The following COL9A3 variants were observed in gnomAD, a reference collection of about 807,000 sequenced individuals.
COL9A3 encodes the protein collagen alpha-3(IX) chain.
A neutral mutation model predicts 110.2 loss-of-function variants in COL9A3; 82 were observed. That is an observed-to-expected ratio of 0.74 (90% CI 0.62 to 0.89). The LOEUF (loss-of-function observed/expected upper bound fraction) is 0.89. Ranked by LOEUF, COL9A3 falls within the 40% of genes least tolerant of loss-of-function variation. The pLI, the probability that COL9A3 is intolerant of heterozygous loss-of-function variation, is 0.00. For synonymous variants in COL9A3, 494 were observed against 403.8 expected, an observed-to-expected ratio of 1.22 and a Z score of -2.68; for missense variants, 1,066 against 981.3, an observed-to-expected ratio of 1.09 and a Z score of -1.15.
At chr20:62,831,364 T>A (rs941487024) in intron 24 of COL9A3, 2 of 152,422 alleles carry the variant, frequency 1.3e-5, no homozygotes, top group African/African-American at 2.4e-5. Context: ...CTCGTGTGCC[T>A]GCTGTGGCCA....
intron 22 of COL9A3, 23 bp from the exon 23 acceptor site, chr20:62,830,337 C>G: frequency 6.4e-7 from 1 of 1,563,600 alleles, no homozygotes; most frequent in East Asian, 2.4e-5. Context: ...GACATCCGCT[C>G]ACACCTCACC....
intron 19 of COL9A3, 104 bp downstream of exon 19, chr20:62,829,080 G>T (rs1195583519): frequency 7.8e-7 from 1 of 1,276,952 alleles, no homozygotes; most frequent in Non-Finnish European, 1.1e-6. Context: ...CCGACTCCCT[G>T]TGAGGGGTTC....
At chr20:62,835,840 G>C in intron 26 of COL9A3, 81 bp from the exon 27 acceptor site, 1 of 1,441,462 alleles carries the variant, frequency 6.9e-7, no homozygotes, top group South Asian at 1.1e-5. Flanking sequence ...TGGATGATTT[G>C]ATTTATTTTA....
intron 26 of COL9A3, among the ~76,000 whole-genome samples, chr20:62,835,575 G>C (rs778953879): frequency 2.6e-4 from 40 of 152,218 alleles, no homozygotes; most frequent in Admixed American, 4.6e-4. Context: ...TGAGGACCCA[G>C]CTGGAGGGGG....
At position 62,829,746 on chromosome 20, in the gene COL9A3, C is replaced by T. The variant is rs747894076; in HGVS notation, c.1108-20C>T. The T allele has an allele frequency of 1.3e-6, 2 of 1,592,870 alleles. No individual in the cohort carries two copies. The highest frequency in any genetic ancestry group is 2.7e-5 in the African/African-American group (2 of 74,796). On this transcript the variant is annotated intron_variant, in intron 21 of 31. Coordinates refer to ENST00000649368, the MANE Select transcript of COL9A3 (RefSeq NM_001853.4). ...CTGTGTGCAGACCCTGCCCTGACAC[C>T]CTCCTTCCTTTCCCTGTAGGGAGAT...
chr20:62,833,721 G>A (rs1351959182), intron 26 of COL9A3, among the ~76,000 whole-genome samples: 1 of 143,770 alleles, frequency 7.0e-6, no homozygotes, highest in Non-Finnish European at 1.5e-5. Context: ...TTTTTGAGAC[G>A]AAGTTTTGCT....
intron 12 of COL9A3, among the ~76,000 whole-genome samples, chr20:62,825,284 G>C (rs2063543614): frequency 6.6e-6 from 1 of 152,172 alleles, no homozygotes; most frequent in Non-Finnish European, 1.5e-5. Flanking sequence ...GTCAGAGCTG[G>C]GTGATTTAGG....
At chr20:62,839,542 T>A (rs2063658440) in intron 31 of COL9A3, among the ~76,000 whole-genome samples, 1 of 151,826 alleles carries the variant, frequency 6.6e-6, no homozygotes, top group Non-Finnish European at 1.5e-5. Context: ...ATGAGAAGGA[T>A]CCCGAACAGT....
At chr20:62,827,186 C>T in intron 15 of COL9A3, 55 bp from the exon 16 acceptor site, 2 of 1,597,326 alleles carry the variant, frequency 1.3e-6, no homozygotes, top group Non-Finnish European at 1.7e-6. Flanking sequence ...CCGTCCTACT[C>T]TCCGACCAAC....
At chr20:62,836,053 G>T in intron 27 of COL9A3, 100 bp downstream of exon 27, 6 of 1,607,450 alleles carry the variant, frequency 3.7e-6, no homozygotes, top group Non-Finnish European at 5.1e-6. Flanking sequence ...GCACTGCCCA[G>T]ATCCGAGATG....
intron 12 of COL9A3, chr20:62,825,603 A>G: frequency 1.6e-6 from 1 of 624,550 alleles, no homozygotes; most frequent in Non-Finnish European, 2.9e-6. Flanking sequence ...GGGAACAGTG[A>G]CCACGGACCC....
chr20:62,835,793 A>G, intron 26 of COL9A3, 128 bp from the exon 27 acceptor site: 2 of 924,528 alleles, frequency 2.2e-6, no homozygotes, highest in Non-Finnish European at 3.6e-6. Context: ...GGAAGGAACC[A>G]CTGTCAATAT....
chr20:62,838,479 G>A (rs1023240638), intron 30 of COL9A3, among the ~76,000 whole-genome samples: 3 of 152,338 alleles, frequency 2.0e-5, no homozygotes, highest in Non-Finnish European at 2.9e-5. Flanking sequence ...ACCTGCAGCC[G>A]TCCTGCAGTC....
chr20:62,838,591 C>A, intron 30 of COL9A3, 93 bp from the exon 31 acceptor site: 1 of 1,142,396 alleles, frequency 8.8e-7, no homozygotes, highest in Non-Finnish European at 1.3e-6. Flanking sequence ...GAAAAGCTGG[C>A]ACCCTGTTTG....
At chr20:62,818,396 T>G in intron 2 of COL9A3, 122 bp from the exon 3 acceptor site, 6 of 963,338 alleles carry the variant, frequency 6.2e-6, no homozygotes, top group Admixed American at 1.7e-5. Context: ...AGGGGCCCCT[T>G]TTGTCTGCTG....
intron 29 of COL9A3, 81 bp from the exon 30 acceptor site, chr20:62,837,002 T>G: frequency 6.5e-7 from 1 of 1,531,584 alleles, no homozygotes; most frequent in Non-Finnish European, 9.0e-7. Flanking sequence ...GACAGCACCG[T>G]GTAGATATTT....
chr20:62,836,795 T>C (rs118103122), intron 29 of COL9A3: 3 of 622,012 alleles, frequency 4.8e-6, no homozygotes, highest in Middle Eastern at 4.3e-4. Flanking sequence ...CTGAATGCAA[T>C]GGGTACAAGA....
Position 62,821,768 on chromosome 20 carries a change from A to G in COL9A3, c.381A>G (p.Gly127=), listed in dbSNP as rs764071531. The G allele has an allele frequency of 2.8e-5, 45 of 1,610,404 alleles. No homozygotes were observed. Among genetic ancestry groups the G allele is most frequent in the Non-Finnish European group, 3.6e-5 (43 of 1,178,906 alleles). ...KGLPGPPGEA[G]VSGPPGGIGL... Reference sequence around the variant, plus strand: ...TTACTTCCCTCCAGGGAGAGGCAGGAGTGAGCGGCCCCCCAGGTGGGATCG... The same window carrying G: ...TTACTTCCCTCCAGGGAGAGGCAGGGGTGAGCGGCCCCCCAGGTGGGATCG... Residue 127 remains glycine, a synonymous_variant, in exon 8 of 32, where the codon GGA becomes GGG. Coordinates refer to ENST00000649368, the MANE Select transcript of COL9A3 (RefSeq NM_001853.4).
intron 22 of COL9A3, 50 bp downstream of exon 22, chr20:62,829,869 G>A: frequency 6.5e-7 from 1 of 1,533,186 alleles, no homozygotes. Context: ...TGAGCCATTG[G>A]CACATGGCCC....
Sources: gnomAD v4.1 joint callset for allele counts (sites outside exome capture counted in the v4.1 genomes callset) on GRCh38, gnomAD v4.1.1 for gene constraint, MANE v1.5 for transcripts, NCBI Gene and HGNC (gene_info 2026-07-23, HGNC 2026-07-21) for gene names.